Variants in DVL3 observed in about 807,000 individuals in gnomAD.
DVL3 encodes dishevelled segment polarity protein 3.
Under a neutral mutation model 67.4 loss-of-function variants are expected in DVL3, and 27 were observed. The observed-to-expected ratio is 0.40, with a 90% CI of 0.30 to 0.55. DVL3 has a LOEUF of 0.55. DVL3 is among the 20% of genes least tolerant of loss of function. The probability of loss-of-function intolerance (pLI) is 0.46; values close to 1 mark genes in which losing one functional copy is unlikely to be tolerated. For synonymous variants in DVL3, 369 were observed against 396.8 expected (o/e 0.93, Z 0.83); for missense variants, 819 against 1,021.5 (o/e 0.80, Z 2.70).
At position 184,166,030 on chromosome 3, in the gene DVL3, T is replaced by C; in HGVS notation, c.764-96T>C. ...CAGTGCCTGATTCAGGATCAGCAAA[T>C]GTCAGTTCAGTTCCTGTCCCTTTCC... On this transcript the variant is annotated intron_variant, in intron 7 of 14. Coordinates refer to ENST00000313143, the MANE Select transcript of DVL3 (RefSeq NM_004423.4). This position sits in a 1 kb window ranked among gnomAD's most constrained non-coding sequence, Gnocchi z 6.7. 3 of 1,452,554 alleles carry C rather than the reference T, an allele frequency of 2.1e-6. No homozygotes were observed. The highest frequency in any genetic ancestry group is 1.9e-6 in the Non-Finnish European group (2 of 1,063,818). 90.0% of individuals were successfully genotyped at this position (1,452,554 alleles called of 1,614,324 possible).
rs1382285601 is a variant in DVL3 at position 184,167,120 on chromosome 3, C to G, written c.1198+145C>G. The G allele has an allele frequency of 3.8e-6, 4 of 1,041,684 alleles. No homozygotes were observed. The highest frequency in any genetic ancestry group is 4.2e-6 in the Non-Finnish European group (3 of 714,594). The allele number at this position is 1,041,684 out of a possible 1,614,324, so 64.5% of individuals were successfully genotyped here. On this transcript the variant is annotated intron_variant, in intron 11 of 14. Transcript: ENST00000313143. The surrounding 1 kb of genome is among the most constrained non-coding windows in gnomAD (Gnocchi z 4.6). The stretch of plus-strand genomic sequence containing the variant: ...ATTCCAGCAACCCCACACTGCAACT[C>G]CCCCACAGCGGGCACTCCAACCCTC...
rs2109016718 is a variant in DVL3 at position 184,155,644 on chromosome 3, G to A, written c.9G>A (p.Glu3=). 1.3e-5 allele frequency: 21 copies of A among 1,593,008 alleles called. No homozygotes were observed. Among genetic ancestry groups the A allele is most frequent in the Admixed American group, 1.7e-5 (1 of 58,520 alleles). The part of the protein sequence containing the change: MG[E]TKIIYHLDGQ... ...GGCCCGAGGCCAGAGCCATGGGCGA[G>A]ACCAAGATCATCTACCACTTGGATG... The change falls in exon 1 of 15, where the codon GAG becomes GAA. Residue 3 remains glutamate (E), a synonymous_variant. Transcript: ENST00000313143. The surrounding 1 kb of genome is among the most constrained non-coding windows in gnomAD (Gnocchi z 5.4).
In DVL3 at chr3:184,166,199, C is replaced by T. The variant is rs941537503; in HGVS notation, c.837C>T (p.Gly279=). 2.5e-6 allele frequency: 4 copies of T among 1,613,580 alleles called. No individual in the cohort carries two copies. The highest frequency in any genetic ancestry group is 1.3e-5 in the African/African-American group (1 of 74,968). ...GTGGTGACGGCGGCATCTACATTGG[C>T]TCTATCATGAAGGGTGGGGCCGTGG... ...NERGDGGIYI[G]SIMKGGAVAA... The change falls in exon 8 of 15, where the codon GGC becomes GGT. Residue 279 remains glycine (G), a synonymous_variant. Coordinates refer to ENST00000313143, the MANE Select transcript of DVL3 (RefSeq NM_004423.4). The surrounding 1 kb of genome is among the most constrained non-coding windows in gnomAD (Gnocchi z 6.7).
chr3:184,155,586 CGGCCGCCCGAGCAGGCCGCGCGCG>C lies in DVL3; in HGVS notation c.-42_-19del, dbSNP rs755460155. The C allele has an allele frequency of 9.3e-7, 1 of 1,077,964 alleles. No individual in the cohort carries two copies. The allele number at this position is 1,077,964 out of a possible 1,614,324, so 66.8% of individuals were successfully genotyped here. Reference sequence around the variant, plus strand: ...CCGCCGCCGTCTGGGAGGCTCGGCCCGGCCGCCCGAGCAGGCCGCGCGCGGGCCGCCGGGCCCGAGGCCAGAGCC... The same window carrying C: ...CCGCCGCCGTCTGGGAGGCTCGGCCCGGCCGCCGGGCCCGAGGCCAGAGCC... On this transcript the variant is annotated 5_prime_UTR_variant, in exon 1 of 15. Coordinates refer to ENST00000313143, the MANE Select transcript of DVL3 (RefSeq NM_004423.4). This position sits in a 1 kb window ranked among gnomAD's most constrained non-coding sequence, Gnocchi z 5.4.
rs375463143 is a variant in DVL3, at chr3:184,166,304, G to C, written c.903+39G>C. ...TCCTAGGCGGTGGTGTGGATAGAGG[G>C]CAGGGAGGTGTCCTACCATCTGTAC... On this transcript the variant is annotated intron_variant, in intron 8 of 14. Transcript: ENST00000313143. The surrounding 1 kb of genome is among the most constrained non-coding windows in gnomAD (Gnocchi z 6.7). 1.9e-6 allele frequency: 3 copies of C among 1,607,380 alleles called. No homozygotes were observed. Among genetic ancestry groups the C allele is most frequent in the African/African-American group, 2.7e-5 (2 of 74,532 alleles).
intron 13 of DVL3, among the ~76,000 whole-genome samples, chr3:184,168,711 C>T (rs1009693114): frequency 3.3e-5 from 5 of 152,174 alleles, no homozygotes; most frequent in East Asian, 1.9e-4. Context: ...TTAATAGGGC[C>T]GGTGGCCTCA....
chr3:184,170,397 C>A lies in DVL3; in HGVS notation c.1793C>A (p.Ser598Tyr). The change falls in exon 15 of 15, where the codon TCC (serine) becomes TAC (tyrosine). Residue 598 changes from serine (S) to tyrosine (Y), a missense_variant. Around this residue, in one of 3 missense-constraint regions of DVL3, gnomAD observed 324 missense variants for 331.3 expected, o/e 0.98. Transcript: ENST00000313143. The surrounding 1 kb of genome is among the most constrained non-coding windows in gnomAD (Gnocchi z 6.5). ...GACCCGAAGGCCGGGGACTCCAAGT[C>A]CGGGGGCAGCGGCAGCGAATCGGAC... ...EKDPKAGDSK[S>Y]GGSGSESDHT... 1 of 1,603,874 alleles carries A rather than the reference C, an allele frequency of 6.2e-7. No individual in the cohort carries two copies. The highest frequency in any genetic ancestry group is 8.5e-7 in the Non-Finnish European group (1 of 1,175,566).
At position 184,164,670 on chromosome 3, in the gene DVL3, A is replaced by C. The variant is rs1399955188; in HGVS notation, c.463+69A>C. 3 of 1,554,560 alleles carry C rather than the reference A, an allele frequency of 1.9e-6. No individual in the cohort carries two copies. In the East Asian group the frequency reaches 6.8e-5, roughly 35 times the overall value. ...CCCCTCACTTTCCACCCAGCTACCC[A>C]CCTTCTTGCCCTACTTCCCGAGCTC... On this transcript the variant is annotated intron_variant, in intron 4 of 14. Coordinates refer to ENST00000313143, the MANE Select transcript of DVL3 (RefSeq NM_004423.4). The surrounding 1 kb of genome is among the most constrained non-coding windows in gnomAD (Gnocchi z 5.3).
chr3:184,156,471 G>GGCTTTTTTCCTCC (rs1324117407), intron 1 of DVL3: 12 of 456,614 alleles, frequency 2.6e-5, no homozygotes, highest in Non-Finnish European at 4.8e-5. Flanking sequence ...CTCCAATTCG[G>GGCTTTTTTCCTCC]GCTTTTTTCC....
chr3:184,168,095 T>A (rs764823070), intron 13 of DVL3, 30 bp downstream of exon 13: 3 of 1,599,920 alleles, frequency 1.9e-6, no homozygotes, highest in Non-Finnish European at 2.6e-6. Context: ...TCTTGCCCTG[T>A]CTCCTGGCTG....
Position 184,167,904 on chromosome 3 carries a change from A to C in DVL3, c.1337A>C (p.Asp446Ala). The change falls in exon 13 of 15, where the codon GAT (aspartate) becomes GCT (alanine). Residue 446 changes from aspartate to alanine, a missense_variant. Transcript: ENST00000313143. This position sits in a 1 kb window ranked among gnomAD's most constrained non-coding sequence, Gnocchi z 4.6. ...ITIPNAFIGS[D>A]VVDWLYHNVE... ...CTGGCAGCCTTGTCCCCAGGCTCAG[A>C]TGTGGTGGACTGGCTGTACCACAAT... The C allele has an allele frequency of 6.2e-7, 1 of 1,614,272 alleles. No homozygotes were observed.
Position 184,171,599 on chromosome 3 carries a change from G to A in DVL3, c.*844G>A. 1.0e-6 allele frequency: 1 copy of A among 985,892 alleles called. No individual in the cohort carries two copies. Among genetic ancestry groups the A allele is most frequent in the South Asian group, 4.7e-5 (1 of 21,286 alleles). 61.1% of individuals were successfully genotyped at this position (985,892 alleles called of 1,614,324 possible). The stretch of plus-strand genomic sequence containing the variant: ...TTTCGGGCTGTTTGACTTTCTGTGA[G>A]CCCCCAGCGAGGGGAGGCCCAGCCT... On this transcript the variant is annotated 3_prime_UTR_variant, in exon 15 of 15. Coordinates refer to ENST00000313143, the MANE Select transcript of DVL3 (RefSeq NM_004423.4).
chr3:184,167,883 C>T lies in DVL3; in HGVS notation c.1331-15C>T. The T allele has an allele frequency of 6.2e-7, 1 of 1,614,246 alleles. No homozygotes were observed. Among genetic ancestry groups the T allele is most frequent in the Non-Finnish European group, 8.5e-7 (1 of 1,180,022 alleles). Reference sequence around the variant, plus strand: ...TCAGATGGGCCTCCCCATCAACTGGCAGCCTTGTCCCCAGGCTCAGATGTG... The same window carrying T: ...TCAGATGGGCCTCCCCATCAACTGGTAGCCTTGTCCCCAGGCTCAGATGTG... On this transcript the variant is annotated splice_polypyrimidine_tract_variant and intron_variant, in intron 12 of 14. Transcript: ENST00000313143. This position sits in a 1 kb window ranked among gnomAD's most constrained non-coding sequence, Gnocchi z 4.6.
rs753183175 is a variant in DVL3, at chr3:184,170,224, AAGGT to A, written c.1714+6_1714+9del. On this transcript the variant is annotated splice_donor_5th_base_variant and intron_variant, in intron 14 of 14. Transcript: ENST00000313143. The surrounding 1 kb of genome is among the most constrained non-coding windows in gnomAD (Gnocchi z 6.5). ...CGCCAGCAGTCAGCACAGCGAAGGTAAGGTAGAGGGGCCGTGGAGGAAGGCTATA... is the reference window on the plus strand; with the variant it reads ...CGCCAGCAGTCAGCACAGCGAAGGTAAGAGGGGCCGTGGAGGAAGGCTATA... The A allele has an allele frequency of 3.7e-6, 6 of 1,611,906 alleles. No individual in the cohort carries two copies. In the South Asian group the frequency reaches 6.6e-5, roughly 18 times the overall value.
intron 1 of DVL3, chr3:184,156,447 G>T (rs984609244): frequency 1.3e-5 from 6 of 456,616 alleles, no homozygotes; most frequent in African/African-American, 1.2e-4. Flanking sequence ...CACTGACCCA[G>T]GTGCTGATCT....
rs1416591726 is a variant in DVL3, at chr3:184,172,528, G to A, written c.*1773G>A. 6.6e-6 allele frequency: 1 copy of A among 152,192 alleles called. No individual in the cohort carries two copies. Among genetic ancestry groups the A allele is most frequent in the Non-Finnish European group, 1.5e-5 (1 of 68,064 alleles). 9.4% of individuals were successfully genotyped at this position (152,192 alleles called of 1,614,324 possible). The stretch of plus-strand genomic sequence containing the variant: ...ACAGGTGGATCACTTGAGGTCGGGA[G>A]TTCGAGACCAGCCTGGCCAACATAG... On this transcript the variant is annotated 3_prime_UTR_variant, in exon 15 of 15. Transcript: ENST00000313143.
chr3:184,162,955 G>A (rs368101850), intron 1 of DVL3, among the ~76,000 whole-genome samples: 4 of 152,142 alleles, frequency 2.6e-5, no homozygotes, highest in South Asian at 4.1e-4. Context: ...AGGAAGGGGA[G>A]TGGAAAAGTT....
At position 184,167,580 on chromosome 3, in the gene DVL3, G is replaced by A; in HGVS notation, c.1199G>A (p.Arg400His). Residue 400 changes from arginine (R) to histidine (H), a missense_variant and splice_region_variant, in exon 12 of 15, where the codon CGC becomes CAC. Transcript: ENST00000313143. The surrounding 1 kb of genome is among the most constrained non-coding windows in gnomAD (Gnocchi z 4.6). The stretch of plus-strand genomic sequence containing the variant: ...TCACCATTCTGCCTCCCACCCCCAG[G>A]CCTAGACGACTTCCACTTGTCCATC... ...SITSSIPDTE[R>H]LDDFHLSIHS... The A allele has an allele frequency of 6.2e-7, 1 of 1,613,212 alleles. No homozygotes were observed. The highest frequency in any genetic ancestry group is 8.5e-7 in the Non-Finnish European group (1 of 1,179,980).
intron 1 of DVL3, among the ~76,000 whole-genome samples, chr3:184,162,122 A>G (rs535924968): frequency 6.6e-6 from 1 of 152,078 alleles, no homozygotes; most frequent in South Asian, 2.1e-4. Flanking sequence ...ATATAAGTAA[A>G]GTGTTTAGCA....
Sources: allele counts gnomAD v4.1 joint callset (sites outside exome capture counted in the v4.1 genomes callset), GRCh38; gene constraint gnomAD v4.1.1; regional missense constraint gnomAD v4.1.1; non-coding constraint Gnocchi (gnomAD v3.1); transcripts MANE v1.5; gene names NCBI Gene and HGNC (gene_info 2026-07-23, HGNC 2026-07-21).